Variants in ESPL1 observed in about 807,000 individuals in gnomAD.
ESPL1 encodes separin.
ESPL1 carries 50 observed loss-of-function variants against 217.2 expected under a neutral mutation model. That is an observed-to-expected ratio of 0.23 (90% CI 0.18 to 0.29). ESPL1 has a LOEUF of 0.29. Among genes scored for constraint, ESPL1 ranks in the 10% least tolerant of loss-of-function variants. The pLI, the probability that ESPL1 is intolerant of heterozygous loss-of-function variation, is 1.00. For synonymous variants in ESPL1, 994 were observed against 1,081.3 expected (o/e 0.92, Z 1.58); for missense variants, 1,834 against 2,603.0 (o/e 0.70, Z 6.43).
intron 7 of ESPL1, 88 bp from the exon 8 acceptor site, chr12:53,276,532 A>G: frequency 7.1e-7 from 1 of 1,413,090 alleles, no homozygotes; most frequent in Non-Finnish European, 9.4e-7. Flanking sequence ...TGAGCAAGCC[A>G]AGGCTGGGGC....
intron 21 of ESPL1, 22 bp downstream of exon 21, chr12:53,289,325 G>T: frequency 6.2e-7 from 1 of 1,610,656 alleles, no homozygotes. Flanking sequence ...CCATCCCCAA[G>T]ACTCCTGCTG....
intron 8 of ESPL1, 103 bp from the exon 9 acceptor site, chr12:53,276,980 C>CACAT: frequency 6.4e-7 from 1 of 1,552,238 alleles, no homozygotes; most frequent in Non-Finnish European, 8.7e-7. Flanking sequence ...GCCATGGGAG[C>CACAT]ACATGCAAAG....
At position 53,282,357 on chromosome 12, in the gene ESPL1, C is replaced by T; in HGVS notation, c.2713C>T (p.Leu905=). ...TTGGTACTTGCTGCGTGTCCAGGTC[C>T]TGCAGCTGGTGGCAGCTTACCTTAG... ...KAWYLLRVQV[L]QLVAAYLSLP... Residue 905 remains leucine, a synonymous_variant, in exon 14 of 31, where the codon CTG becomes TTG. Coordinates refer to ENST00000257934, the MANE Select transcript of ESPL1 (RefSeq NM_012291.5). The surrounding 1 kb of genome is among the most constrained non-coding windows in gnomAD (Gnocchi z 4.0). 6.2e-7 allele frequency: 1 copy of T among 1,614,120 alleles called. No individual in the cohort carries two copies. The highest frequency in any genetic ancestry group is 1.3e-5 in the African/African-American group (1 of 75,066).
At chr12:53,276,326 A>G (rs1038505304) in intron 7 of ESPL1, among the ~76,000 whole-genome samples, 5 of 152,322 alleles carry the variant, frequency 3.3e-5, no homozygotes, top group African/African-American at 1.2e-4. Context: ...TGCTGGGGGT[A>G]GTAGAATAGC....
intron 17 of ESPL1, among the ~76,000 whole-genome samples, chr12:53,285,053 A>ATTTAGAATT (rs1943924412): frequency 6.6e-6 from 1 of 151,694 alleles, no homozygotes; most frequent in African/African-American, 2.4e-5. Context: ...GAAAGATAAT[A>ATTTAGAATT]TTTAGAATTC....
rs1312243424 is a variant in ESPL1, at chr12:53,286,322, G to A, written c.3586G>A (p.Glu1196Lys). 6.2e-7 allele frequency: 1 copy of A among 1,614,192 alleles called. No individual in the cohort carries two copies. Among genetic ancestry groups the A allele is most frequent in the Non-Finnish European group, 8.5e-7 (1 of 1,180,036 alleles). ...GCTGAAGGGCTGTCCTGAAGCCGCT[G>A]AGCGCCTCACCCAAGCTCTCCAAGC... ...VVLKGCPEAA[E>K]RLTQALQASL... The change falls in exon 18 of 31, where the codon GAG (glutamate) becomes AAG (lysine). Residue 1196 changes from glutamate (E) to lysine (K), a missense_variant. Physicochemically the swap from Glu to Lys is moderately conservative, Grantham distance 56 (BLOSUM62 1). Transcript: ENST00000257934. The surrounding 1 kb of genome is among the most constrained non-coding windows in gnomAD (Gnocchi z 5.3).
chr12:53,277,731 G>A, intron 10 of ESPL1, 90 bp from the exon 11 acceptor site: 8 of 1,574,356 alleles, frequency 5.1e-6, no homozygotes, highest in Non-Finnish European at 6.9e-6. Flanking sequence ...TGGGAGGTTG[G>A]CGTAAAGGGC....
At chr12:53,288,804 C>T (rs1054266857) in intron 20 of ESPL1, 105 bp downstream of exon 20, 3 of 1,079,630 alleles carry the variant, frequency 2.8e-6, no homozygotes, top group African/African-American at 3.2e-5. Context: ...ATCCAGTAGC[C>T]TCTGAACCTG....
At chr12:53,270,893 AG>A (rs1225534066) in intron 5 of ESPL1, 95 bp downstream of exon 5, 2 of 1,390,172 alleles carry the variant, frequency 1.4e-6, no homozygotes, top group Admixed American at 4.1e-5. Context: ...GACCACTGTG[AG>A]GGTTCCTTAT....
chr12:53,271,101 G>GT (rs11378245), intron 5 of ESPL1, among the ~76,000 whole-genome samples: 105,179 of 144,722 alleles, frequency 0.73, 38,513 homozygotes, highest in East Asian at 1. Flanking sequence ...ATTTTTTAAT[G>GT]TTTTTTTTTC....
At position 53,293,192 on chromosome 12, in the gene ESPL1, C is replaced by T. The variant is rs1944092217; in HGVS notation, c.6162-81C>T. 1.6e-6 allele frequency: 2 copies of T among 1,239,732 alleles called. No individual in the cohort carries two copies. The highest frequency in any genetic ancestry group is 1.2e-5 in the South Asian group (1 of 81,566). 76.8% of individuals were successfully genotyped at this position (1,239,732 alleles called of 1,614,324 possible). The stretch of plus-strand genomic sequence containing the variant: ...CATTGGTTCAATCCTCTCCACTCAC[C>T]CACCCCCACCACCAATGGTGTTTTC... On this transcript the variant is annotated intron_variant, in intron 30 of 30. Transcript: ENST00000257934. The surrounding 1 kb of genome is among the most constrained non-coding windows in gnomAD (Gnocchi z 4.2).
Position 53,292,695 on chromosome 12 carries a change from T to C in ESPL1, c.5996+38T>C. 1.2e-6 allele frequency: 2 copies of C among 1,601,018 alleles called. No homozygotes were observed. The highest frequency in any genetic ancestry group is 1.7e-6 in the Non-Finnish European group (2 of 1,169,504). Reference sequence around the variant, plus strand: ...GGCAGGGATGTGGGGAGAGGGGCAGTCCTGAGGATGGTATCACCATGGGTT... The same window carrying C: ...GGCAGGGATGTGGGGAGAGGGGCAGCCCTGAGGATGGTATCACCATGGGTT... On this transcript the variant is annotated intron_variant, in intron 29 of 30. Coordinates refer to ENST00000257934, the MANE Select transcript of ESPL1 (RefSeq NM_012291.5). This position sits in a 1 kb window ranked among gnomAD's most constrained non-coding sequence, Gnocchi z 4.5.
At chr12:53,280,221 G>A (rs746218068) in intron 12 of ESPL1, among the ~76,000 whole-genome samples, 11 of 152,026 alleles carry the variant, frequency 7.2e-5, no homozygotes, top group Admixed American at 5.9e-4. Context: ...TTTCTACTTC[G>A]TCTTCTTAAC....
At chr12:53,283,658 G>A (rs1943900657) in intron 16 of ESPL1, 120 bp downstream of exon 16, 4 of 919,726 alleles carry the variant, frequency 4.3e-6, no homozygotes, top group Non-Finnish European at 6.7e-6. Flanking sequence ...GTGGAAAAAG[G>A]CATTCCACAG....
Position 53,292,313 on chromosome 12 carries a change from T to C in ESPL1, c.5832T>C (p.Asp1944=). Residue 1944 remains aspartate, a synonymous_variant, in exon 28 of 31, where the codon GAT becomes GAC. Transcript: ENST00000257934. The surrounding 1 kb of genome is among the most constrained non-coding windows in gnomAD (Gnocchi z 4.5). The part of the protein sequence containing the change: ...GASPVLSQGV[D]PRSTFYVLNP... ...CGCCAGTGCTGAGTCAAGGGGTGGA[T>C]CCACGAAGTACCTTCTATGTCCTGA... The C allele has an allele frequency of 6.2e-7, 1 of 1,614,008 alleles. No individual in the cohort carries two copies. The highest frequency in any genetic ancestry group is 8.5e-7 in the Non-Finnish European group (1 of 1,179,944).
intron 12 of ESPL1, among the ~76,000 whole-genome samples, chr12:53,280,793 A>T (rs1943847727): frequency 1.3e-5 from 2 of 151,958 alleles, no homozygotes. Context: ...CAGGAGTTGG[A>T]GACCAGCCTG....
intron 5 of ESPL1, among the ~76,000 whole-genome samples, chr12:53,271,101 G>GTT (rs11378245): frequency 4.0e-4 from 58 of 144,946 alleles, no homozygotes; most frequent in Middle Eastern, 7.1e-3. Flanking sequence ...ATTTTTTAAT[G>GTT]TTTTTTTTTC....
chr12:53,271,100 TG>T (rs1237375091), intron 5 of ESPL1, among the ~76,000 whole-genome samples: 2 of 68,834 alleles, frequency 2.9e-5, no homozygotes, highest in Non-Finnish European at 5.5e-5. Context: ...TATTTTTTAA[TG>T]TTTTTTTTTC....
At chr12:53,283,606 C>G (rs1034927596) in intron 16 of ESPL1, 68 bp downstream of exon 16, 9 of 1,425,770 alleles carry the variant, frequency 6.3e-6, no homozygotes, top group Admixed American at 2.0e-5. Context: ...AACATGGATT[C>G]CAAACTGTTC....
Sources: gnomAD v4.1 joint callset for allele counts (sites outside exome capture counted in the v4.1 genomes callset) on GRCh38, gnomAD v4.1.1 for gene constraint, Gnocchi (gnomAD v3.1) non-coding constraint, MANE v1.5 for transcripts, NCBI Gene and HGNC (gene_info 2026-07-23, HGNC 2026-07-21) for gene names.